The following INVS variants were observed in gnomAD, a reference collection of about 807,000 sequenced individuals.
The protein encoded by INVS is inversin, also known as inversion of embryo turning homolog.
In INVS, 86 loss-of-function variants were observed where a neutral mutation model predicts 108.8. The observed-to-expected ratio is 0.79, with a 90% CI of 0.66 to 0.95. The LOEUF (loss-of-function observed/expected upper bound fraction) is 0.95. Among genes scored for constraint, INVS ranks in the 40% least tolerant of loss-of-function variants. The pLI is 0.00. For missense variants in INVS, 1,169 were observed against 1,297.4 expected, an observed-to-expected ratio of 0.90 and a Z score of 1.52; for synonymous variants, 455 against 473.5, an observed-to-expected ratio of 0.96 and a Z score of 0.51.
intron 3 of INVS, among the ~76,000 whole-genome samples, chr9:100,159,270 A>G (rs1040717223): frequency 6.6e-6 from 1 of 152,206 alleles, no homozygotes; most frequent in Non-Finnish European, 1.5e-5. Context: ...GGAAGGTTTC[A>G]TGAAGGAGAG....
At chr9:100,268,979 A>G (rs555205319) in intron 11 of INVS, among the ~76,000 whole-genome samples, 1 of 152,348 alleles carries the variant, frequency 6.6e-6, no homozygotes, top group Admixed American at 6.5e-5. Context: ...AATCCTGCTT[A>G]TATATTATGT....
chr9:100,136,597 T>A (rs548689187), intron 3 of INVS, among the ~76,000 whole-genome samples: 2 of 152,310 alleles, frequency 1.3e-5, no homozygotes, highest in South Asian at 2.1e-4. Flanking sequence ...ATACATTGTA[T>A]TTGGTTGATA....
At chr9:100,141,463 A>G (rs1828426934) in intron 3 of INVS, among the ~76,000 whole-genome samples, 1 of 152,154 alleles carries the variant, frequency 6.6e-6, no homozygotes, top group Non-Finnish European at 1.5e-5. Context: ...TGATTTGACT[A>G]ATAAAGGCCG....
chr9:100,239,981 A>G (rs1182051104), intron 5 of INVS, 79 bp from the exon 6 acceptor site: 1 of 1,353,982 alleles, frequency 7.4e-7, no homozygotes, highest in East Asian at 2.3e-5. Context: ...AAAAAGAAAG[A>G]AAGAAAAAAA....
chr9:100,235,765 G>A (rs780367100), intron 5 of INVS, among the ~76,000 whole-genome samples: 6 of 152,084 alleles, frequency 3.9e-5, no homozygotes, highest in Non-Finnish European at 7.4e-5. Flanking sequence ...TCCCTTTAAG[G>A]GTAACCTGAT....
intron 3 of INVS, 114 bp downstream of exon 3, chr9:100,126,663 G>A (rs1827893786): frequency 2.0e-6 from 2 of 992,870 alleles, no homozygotes; most frequent in Non-Finnish European, 3.1e-6. Context: ...TGACTCATAG[G>A]TTTTATATAT....
chr9:100,110,097 T>G (rs1827296227), intron 2 of INVS, among the ~76,000 whole-genome samples: 1 of 152,256 alleles, frequency 6.6e-6, no homozygotes, highest in Non-Finnish European at 1.5e-5. Context: ...GCTAGAGTCA[T>G]TAAATGTTTT....
intron 3 of INVS, among the ~76,000 whole-genome samples, chr9:100,207,605 T>A (rs1830712607): frequency 6.6e-6 from 1 of 152,164 alleles, no homozygotes; most frequent in African/African-American, 2.4e-5. Flanking sequence ...ACAAGTTATT[T>A]TTAAAACCAC....
Position 100,301,502 on chromosome 9 carries a change from A to T in INVS, c.*828A>T, listed in dbSNP as rs1402256822. Among the ~76,000 whole-genome samples the T allele has an allele frequency of 6.6e-6, 1 of 152,210 alleles. No individual in the cohort carries two copies. The highest frequency in any genetic ancestry group is 1.5e-5 in the Non-Finnish European group (1 of 68,040). On this transcript the variant is annotated 3_prime_UTR_variant, in exon 17 of 17. Coordinates refer to ENST00000262457, the MANE Select transcript of INVS (RefSeq NM_014425.5). ...TACTTGTATTTTCTGACCAACTTGCAGAAGTGAGCAATCTTCTTAAAATGC... is the reference window on the plus strand; with the variant it reads ...TACTTGTATTTTCTGACCAACTTGCTGAAGTGAGCAATCTTCTTAAAATGC...
At chr9:100,198,175 A>G (rs994309103) in intron 3 of INVS, among the ~76,000 whole-genome samples, 5 of 151,156 alleles carry the variant, frequency 3.3e-5, no homozygotes, top group Admixed American at 1.3e-4. Context: ...GCCTTTGTCA[A>G]ACCTATTTAG....
At chr9:100,149,745 T>A (rs937318633) in intron 3 of INVS, among the ~76,000 whole-genome samples, 5 of 152,148 alleles carry the variant, frequency 3.3e-5, no homozygotes, top group Non-Finnish European at 7.4e-5. Flanking sequence ...TGTCAACACA[T>A]CTTGATTGAA....
chr9:100,182,307 C>A (rs565771645), intron 3 of INVS, among the ~76,000 whole-genome samples: 1 of 152,240 alleles, frequency 6.6e-6, no homozygotes, highest in South Asian at 2.1e-4. Flanking sequence ...GCAAAAGACA[C>A]TATCAGCAGA....
chr9:100,170,712 C>T (rs1829510823), intron 3 of INVS, among the ~76,000 whole-genome samples: 1 of 152,092 alleles, frequency 6.6e-6, no homozygotes, highest in Admixed American at 6.5e-5. Flanking sequence ...AAAATTGTTG[C>T]TCTTGAGGTT....
At chr9:100,227,978 A>ATT (rs780255450) in intron 4 of INVS, among the ~76,000 whole-genome samples, 60 of 139,688 alleles carry the variant, frequency 4.3e-4, no homozygotes, top group Non-Finnish European at 7.0e-4. Flanking sequence ...AATAAACATT[A>ATT]TTTTCTTTCT....
intron 8 of INVS, among the ~76,000 whole-genome samples, chr9:100,248,264 G>A (rs980479259): frequency 7.2e-5 from 11 of 151,972 alleles, no homozygotes; most frequent in Non-Finnish European, 1.5e-4. Flanking sequence ...AACTTTTTCA[G>A]GTATTTGAAT....
Position 100,292,979 on chromosome 9 carries a change from A to G in INVS, c.2722A>G (p.Arg908Gly), listed in dbSNP as rs1430951841. ...LRLQIIQRERRRKELFRKKNK... is the reference protein window; with the variant it reads ...LRLQIIQRERGRKELFRKKNK... ...ACTGCAGATAATTCAGAGAGAACGA[A>G]GGAGGAAGGAGCTGTTTCGCAAAAA... The change falls in exon 14 of 17, where the codon AGG (arginine) becomes GGG (glycine). Residue 908 changes from arginine to glycine, a missense_variant. Physicochemically the swap from Arg to Gly is moderately radical, Grantham distance 125 (BLOSUM62 -2). Around this residue, in one of 3 missense-constraint regions of INVS, gnomAD observed 533 missense variants for 536.0 expected, o/e 0.99. Coordinates refer to ENST00000262457, the MANE Select transcript of INVS (RefSeq NM_014425.5). The G allele has an allele frequency of 3.1e-6, 5 of 1,613,696 alleles. No homozygotes were observed. The highest frequency in any genetic ancestry group is 3.4e-6 in the Non-Finnish European group (4 of 1,179,596).
intron 1 of INVS, among the ~76,000 whole-genome samples, chr9:100,104,002 G>T (rs1423116546): frequency 6.6e-6 from 1 of 151,964 alleles, no homozygotes; most frequent in African/African-American, 2.4e-5. Context: ...CATATTACTT[G>T]TATTAACTTA....
At chr9:100,100,755 A>T (rs373668902) in intron 1 of INVS, among the ~76,000 whole-genome samples, 3 of 33,630 alleles carry the variant, frequency 8.9e-5, no homozygotes, top group African/African-American at 1.2e-4. Flanking sequence ...TGTACATATA[A>T]TATATATAAT....
chr9:100,128,185 C>G (rs1394287675), intron 3 of INVS, among the ~76,000 whole-genome samples: 1 of 152,128 alleles, frequency 6.6e-6, no homozygotes, highest in Non-Finnish European at 1.5e-5. Flanking sequence ...TAGCTGTAAT[C>G]TTTTCATCAG....
Sources: gnomAD v4.1 joint callset for allele counts (sites outside exome capture counted in the v4.1 genomes callset) on GRCh38, gnomAD v4.1.1 for gene constraint, gnomAD v4.1.1 regional missense constraint, MANE v1.5 for transcripts, NCBI Gene and HGNC (gene_info 2026-07-23, HGNC 2026-07-21) for gene names.